The following ARHGAP10 variants were observed in gnomAD, a reference collection of about 807,000 sequenced individuals.
The protein encoded by ARHGAP10 is Rho GTPase activating protein 10, also known as rho GTPase-activating protein 10.
In ARHGAP10, 87 loss-of-function variants were observed where a neutral mutation model predicts 108.6. The observed-to-expected ratio is 0.80, with a 90% CI of 0.67 to 0.96. The LOEUF is 0.96. ARHGAP10 is among the 40% of genes least tolerant of loss of function. The pLI, the probability that ARHGAP10 is intolerant of heterozygous loss-of-function variation, is 0.00. For synonymous variants in ARHGAP10, 347 were observed against 341.1 expected (o/e 1.02, Z -0.19); for missense variants, 939 against 954.5 (o/e 0.98, Z 0.21).
intron 4 of ARHGAP10, among the ~76,000 whole-genome samples, chr4:147,850,114 T>C (rs928601353): frequency 1.3e-5 from 2 of 152,196 alleles, no homozygotes; most frequent in Non-Finnish European, 2.9e-5. Flanking sequence ...GGTTTGTAAA[T>C]GCACCAATCA....
chr4:147,800,037 G>T (rs1731513449), intron 1 of ARHGAP10, among the ~76,000 whole-genome samples: 1 of 152,180 alleles, frequency 6.6e-6, no homozygotes, highest in Admixed American at 6.5e-5. Context: ...TCCAATGACA[G>T]TTTAACTTTC....
At chr4:148,004,794 G>C (rs1463657578) in intron 18 of ARHGAP10, among the ~76,000 whole-genome samples, 1 of 152,236 alleles carries the variant, frequency 6.6e-6, no homozygotes, top group Non-Finnish European at 1.5e-5. Context: ...TTTGTGGGCT[G>C]AGGACCTCCA....
intron 18 of ARHGAP10, among the ~76,000 whole-genome samples, chr4:147,988,741 G>T (rs1437275561): frequency 2.0e-5 from 3 of 152,112 alleles, no homozygotes; most frequent in Non-Finnish European, 4.4e-5. Flanking sequence ...TTTTAGTGTT[G>T]ACTTTTCCCC....
At chr4:148,017,691 T>C (rs2149659624) in intron 18 of ARHGAP10, among the ~76,000 whole-genome samples, 1 of 148,462 alleles carries the variant, frequency 6.7e-6, no homozygotes, top group Admixed American at 6.7e-5. Context: ...TATGTGTGTG[T>C]ATGTAAAGGA....
chr4:148,036,835 G>C (rs896747600), intron 19 of ARHGAP10, among the ~76,000 whole-genome samples: 6 of 152,126 alleles, frequency 3.9e-5, no homozygotes, highest in African/African-American at 1.4e-4. Context: ...TGCTCTGTGT[G>C]TACTGGTCAT....
intron 7 of ARHGAP10, among the ~76,000 whole-genome samples, chr4:147,873,482 C>A (rs1037640952): frequency 3.8e-4 from 58 of 151,550 alleles, no homozygotes; most frequent in African/African-American, 1.3e-3. Flanking sequence ...GAAGGAATCT[C>A]AGCAAAATGA....
rs146706705 is a variant in ARHGAP10 at position 147,799,355 on chromosome 4, T to G, written c.155-23372T>G. Among the ~76,000 whole-genome samples, 339 of 152,332 alleles carry G rather than the reference T, an allele frequency of 2.2e-3. 9 individuals are homozygous for G. Among genetic ancestry groups the G allele is most frequent in the Admixed American group, 0.021 (314 of 15,294 alleles). On this transcript the variant is annotated intron_variant, in intron 1 of 22. Transcript: ENST00000336498. ...CTGATCATAAATTTGCTCAGCTTCT[T>G]AAATCTGTTTATGTCTTTTACCAAA...
chr4:148,043,164 T>C (rs1276702937), intron 19 of ARHGAP10, among the ~76,000 whole-genome samples: 1 of 152,090 alleles, frequency 6.6e-6, no homozygotes, highest in Non-Finnish European at 1.5e-5. Context: ...GAGAAAAGAA[T>C]CAGGAGAGGA....
At chr4:147,923,428 C>A (rs1737327943) in intron 13 of ARHGAP10, among the ~76,000 whole-genome samples, 1 of 152,150 alleles carries the variant, frequency 6.6e-6, no homozygotes, top group Non-Finnish European at 1.5e-5. Flanking sequence ...CTTTTAGTTG[C>A]TATTTTTAAA....
chr4:147,742,272 TA>T (rs879935615), intron 1 of ARHGAP10, among the ~76,000 whole-genome samples: 26 of 152,242 alleles, frequency 1.7e-4, no homozygotes, highest in Admixed American at 3.9e-4. Context: ...TCTTTATTAG[TA>T]AAATGGCCCT....
intron 14 of ARHGAP10, among the ~76,000 whole-genome samples, chr4:147,945,902 C>G (rs989643134): frequency 6.6e-6 from 1 of 152,112 alleles, no homozygotes; most frequent in African/African-American, 2.4e-5. Flanking sequence ...CCAGCGGGCT[C>G]CCACCTCTCA....
At chr4:147,811,270 G>A (rs1460169699) in intron 1 of ARHGAP10, among the ~76,000 whole-genome samples, 1 of 152,244 alleles carries the variant, frequency 6.6e-6, no homozygotes, top group Non-Finnish European at 1.5e-5. Flanking sequence ...TTGTCTTCTA[G>A]TAGCTCCTCG....
intron 13 of ARHGAP10, among the ~76,000 whole-genome samples, chr4:147,921,093 A>G (rs915922412): frequency 6.6e-6 from 1 of 152,222 alleles, no homozygotes. Context: ...TGCAGTATTT[A>G]TAAGCGAGGT....
Position 147,995,800 on chromosome 4 carries a change from T to C in ARHGAP10, c.1717-27463T>C, listed in dbSNP as rs141852876. On this transcript the variant is annotated intron_variant, in intron 18 of 22. Transcript: ENST00000336498. ...GGCGCGATCTCTGCTCACTGCGAGC[T>C]TCGCCTCCTGGGTTCACGCCATTCT... 8.3e-4 allele frequency among the ~76,000 whole-genome samples: 126 copies of C among 152,268 alleles called. 1 individual carries two copies. In the East Asian group the frequency reaches 0.019, roughly 23 times the overall value.
intron 1 of ARHGAP10, among the ~76,000 whole-genome samples, chr4:147,748,355 C>T (rs1729015799): frequency 6.6e-6 from 1 of 151,866 alleles, no homozygotes; most frequent in African/African-American, 2.4e-5. Flanking sequence ...CAGAATGCCA[C>T]AGCTCACAAC....
intron 1 of ARHGAP10, among the ~76,000 whole-genome samples, chr4:147,819,634 GCCTCCCGGGTT>G (rs1223520347): frequency 2.0e-5 from 3 of 151,788 alleles, no homozygotes; most frequent in African/African-American, 4.8e-5. Flanking sequence ...TGCATGCTTC[GCCTCCCGGGTT>G]CCTCCCGGGT....
intron 18 of ARHGAP10, among the ~76,000 whole-genome samples, chr4:147,972,799 G>T (rs1463020756): frequency 4.6e-5 from 7 of 151,792 alleles, no homozygotes; most frequent in Non-Finnish European, 5.9e-5. Context: ...TTGTTGCCCA[G>T]GCTGGAGTGC....
At chr4:147,888,120 T>G (rs180761997) in intron 10 of ARHGAP10, among the ~76,000 whole-genome samples, 2 of 152,300 alleles carry the variant, frequency 1.3e-5, no homozygotes, top group Non-Finnish European at 2.9e-5. Context: ...CTTCTTCACT[T>G]TTTGTACTTC....
intron 13 of ARHGAP10, among the ~76,000 whole-genome samples, chr4:147,924,375 T>A (rs1043475272): frequency 6.6e-6 from 1 of 152,200 alleles, no homozygotes; most frequent in Non-Finnish European, 1.5e-5. Context: ...CTTTTCTCTT[T>A]GTTACCTATG....
Sources: allele counts gnomAD v4.1 joint callset (sites outside exome capture counted in the v4.1 genomes callset), GRCh38; gene constraint gnomAD v4.1.1; transcripts MANE v1.5; gene names NCBI Gene and HGNC (gene_info 2026-07-23, HGNC 2026-07-21).